Variants in TWSG1 observed in about 807,000 individuals in gnomAD.
The protein encoded by TWSG1 is twisted gastrulation BMP signaling modulator 1, also known as twisted gastrulation protein homolog 1.
A neutral mutation model predicts 23.0 loss-of-function variants in TWSG1; 15 were observed. That is an observed-to-expected ratio of 0.65 (90% CI 0.44 to 1.00). TWSG1 has a LOEUF of 1.00. Among genes scored for constraint, TWSG1 ranks in the 50% least tolerant of loss-of-function variants. The pLI, the probability that TWSG1 is intolerant of heterozygous loss-of-function variation, is 0.00. For missense variants in TWSG1, 242 were observed against 278.7 expected (o/e 0.87, Z 0.94); for synonymous variants, 86 against 92.8 (o/e 0.93, Z 0.42).
At chr18:9,367,093 C>T (rs560129147) in intron 3 of TWSG1, among the ~76,000 whole-genome samples, 2 of 152,012 alleles carry the variant, frequency 1.3e-5, no homozygotes, top group African/African-American at 4.8e-5. Flanking sequence ...TACCACACCT[C>T]GCTAATTTTT....
intron 2 of TWSG1, among the ~76,000 whole-genome samples, chr18:9,340,367 CAAA>C (rs775837207): frequency 6.0e-5 from 4 of 67,098 alleles, no homozygotes; most frequent in African/African-American, 1.2e-4. Flanking sequence ...GACTCCATTT[CAAA>C]AAAAAAAAAA....
At chr18:9,350,350 G>A (rs915820007) in intron 2 of TWSG1, among the ~76,000 whole-genome samples, 2 of 152,112 alleles carry the variant, frequency 1.3e-5, no homozygotes, top group African/African-American at 4.8e-5. Flanking sequence ...TTCACTAGTT[G>A]TTTCACCTGT....
At chr18:9,364,592 A>G (rs2040568726) in intron 3 of TWSG1, among the ~76,000 whole-genome samples, 1 of 152,146 alleles carries the variant, frequency 6.6e-6, no homozygotes, top group Non-Finnish European at 1.5e-5. Context: ...TCAGGAATTC[A>G]AGACCAGCCT....
intron 2 of TWSG1, among the ~76,000 whole-genome samples, chr18:9,355,035 A>G (rs192626345): frequency 1.2e-4 from 18 of 151,912 alleles, no homozygotes; most frequent in African/African-American, 4.1e-4. Context: ...GGCTCACTGC[A>G]TACTCCGCCT....
At chr18:9,394,784 G>A (rs374366620) in intron 3 of TWSG1, among the ~76,000 whole-genome samples, 118 of 151,436 alleles carry the variant, frequency 7.8e-4, no homozygotes, top group African/African-American at 2.8e-3. Context: ...GCACACACAC[G>A]CACGCACACA....
chr18:9,344,491 ATG>A lies in TWSG1; in HGVS notation c.123+7169_123+7170del, dbSNP rs57863617. ...ATCTTTTTATGTGCTTAGTGAATGCATGTGTGTGTGTGTGTGTGTGTGTGTGT... is the reference window on the plus strand; with the variant it reads ...ATCTTTTTATGTGCTTAGTGAATGCATGTGTGTGTGTGTGTGTGTGTGTGT... On this transcript the variant is annotated intron_variant, in intron 2 of 4. Coordinates refer to ENST00000262120, the MANE Select transcript of TWSG1 (RefSeq NM_020648.6). Among the ~76,000 whole-genome samples the A allele has an allele frequency of 5.5e-3, 750 of 136,806 alleles. 11 individuals carry two copies. Among genetic ancestry groups the A allele is most frequent in the African/African-American group, 0.02 (705 of 35,692 alleles). The allele number at this position is 136,806 out of a possible 152,430, so 89.8% of individuals were successfully genotyped here. A position where few individuals can be genotyped will look rare whatever the true frequency, so the allele number is the denominator to read the frequency against.
At chr18:9,344,517 G>GTGTGTGTATGTA (rs1555650744) in intron 2 of TWSG1, among the ~76,000 whole-genome samples, 5 of 105,760 alleles carry the variant, frequency 4.7e-5, no homozygotes, top group Non-Finnish European at 7.3e-5. Flanking sequence ...GTGTGTGTGT[G>GTGTGTGTATGTA]TGTGTATGTA....
At position 9,344,491 on chromosome 18, in the gene TWSG1, A is replaced by ATGTGTGTGTGTG. The variant is rs57863617; in HGVS notation, c.123+7159_123+7170dup. 8.0e-4 allele frequency among the ~76,000 whole-genome samples: 110 copies of ATGTGTGTGTGTG among 136,802 alleles called. 1 individual carries two copies. The highest frequency in any genetic ancestry group is 3.1e-3 in the African/African-American group (109 of 35,690). 89.7% of individuals were successfully genotyped at this position (136,802 alleles called of 152,430 possible). A position where few individuals can be genotyped will look rare whatever the true frequency, so the allele number is the denominator to read the frequency against. ...ATCTTTTTATGTGCTTAGTGAATGC[A>ATGTGTGTGTGTG]TGTGTGTGTGTGTGTGTGTGTGTGT... On this transcript the variant is annotated intron_variant, in intron 2 of 4. Transcript: ENST00000262120.
At chr18:9,343,177 C>G (rs2040453782) in intron 2 of TWSG1, among the ~76,000 whole-genome samples, 1 of 116,804 alleles carries the variant, frequency 8.6e-6, no homozygotes, top group Non-Finnish European at 1.8e-5. Flanking sequence ...AGTTTTGAGC[C>G]AAAGACTAGG....
chr18:9,376,715 C>T (rs1383312152), intron 3 of TWSG1, among the ~76,000 whole-genome samples: 1 of 151,540 alleles, frequency 6.6e-6, no homozygotes, highest in Non-Finnish European at 1.5e-5. Context: ...ATCTGTAGTC[C>T]CAGCTACTTG....
chr18:9,364,673 A>G (rs2040569259), intron 3 of TWSG1, among the ~76,000 whole-genome samples: 1 of 152,124 alleles, frequency 6.6e-6, no homozygotes, highest in Non-Finnish European at 1.5e-5. Context: ...AGGCACCTGT[A>G]ATCCCAGCGA....
chr18:9,387,162 A>G (rs1176920265), intron 3 of TWSG1, among the ~76,000 whole-genome samples: 1 of 152,250 alleles, frequency 6.6e-6, no homozygotes, highest in Admixed American at 6.5e-5. Flanking sequence ...AAGAGAAGAA[A>G]GAAACTGGGT....
In TWSG1 at chr18:9,383,471, C is replaced by G. The variant is rs543134440; in HGVS notation, c.224-12809C>G. On this transcript the variant is annotated intron_variant, in intron 3 of 4. Coordinates refer to ENST00000262120, the MANE Select transcript of TWSG1 (RefSeq NM_020648.6). ...CCTCCCAAAGTGCTGGGATTACAGG[C>G]ATGAGCCACTGCACCCGGCCTTGAA... Among the ~76,000 whole-genome samples, 6 of 152,246 alleles carry G rather than the reference C, an allele frequency of 3.9e-5. No homozygotes were observed. In the South Asian group the frequency reaches 1.2e-3, roughly 32 times the overall value.
At chr18:9,369,017 G>A (rs1598828390) in intron 3 of TWSG1, among the ~76,000 whole-genome samples, 1 of 151,894 alleles carries the variant, frequency 6.6e-6, no homozygotes, top group African/African-American at 2.4e-5. Context: ...GCTGAGGCAC[G>A]AGAATTGCCT....
intron 2 of TWSG1, among the ~76,000 whole-genome samples, chr18:9,357,191 C>G (rs940930790): frequency 6.6e-6 from 1 of 152,158 alleles, no homozygotes; most frequent in African/African-American, 2.4e-5. Flanking sequence ...CTTTCAGTCC[C>G]TCTGTTTCTG....
At chr18:9,336,356 C>G (rs1013098892) in intron 1 of TWSG1, among the ~76,000 whole-genome samples, 5 of 151,132 alleles carry the variant, frequency 3.3e-5, no homozygotes, top group African/African-American at 1.2e-4. Flanking sequence ...TGCGCCACTG[C>G]ACTCCAGCCT....
At position 9,347,425 on chromosome 18, in the gene TWSG1, GGA is replaced by G. The variant is rs1421244922; in HGVS notation, c.123+10075_123+10076del. Among the ~76,000 whole-genome samples, 3 of 152,272 alleles carry G rather than the reference GGA, an allele frequency of 2.0e-5. No homozygotes were observed. In the East Asian group the frequency reaches 5.8e-4, roughly 29 times the overall value. ...GCATTGAATCTGTAGATCAATTTGG[GGA>G]GTACTGTGTTGCCATCTTAGCAGTA... On this transcript the variant is annotated intron_variant, in intron 2 of 4. Coordinates refer to ENST00000262120, the MANE Select transcript of TWSG1 (RefSeq NM_020648.6).
intron 3 of TWSG1, among the ~76,000 whole-genome samples, chr18:9,394,795 CATG>C (rs1156742695): frequency 1.3e-5 from 2 of 152,162 alleles, no homozygotes; most frequent in East Asian, 1.9e-4. Context: ...CACGCACACA[CATG>C]ATCATTCATG....
chr18:9,389,086 C>T (rs1279781070), intron 3 of TWSG1, among the ~76,000 whole-genome samples: 2 of 152,122 alleles, frequency 1.3e-5, no homozygotes, highest in Non-Finnish European at 2.9e-5. Context: ...AAGCGATTCT[C>T]CTGCCTCAGC....
Sources: allele counts gnomAD v4.1 joint callset (sites outside exome capture counted in the v4.1 genomes callset), GRCh38; gene constraint gnomAD v4.1.1; transcripts MANE v1.5; gene names NCBI Gene and HGNC (gene_info 2026-07-23, HGNC 2026-07-21).